ADORA1: variants seen among roughly 807,000 people sequenced by gnomAD.
ADORA1 encodes adenosine receptor A1.
A neutral mutation model predicts 19.9 loss-of-function variants in ADORA1; 6 were observed. The observed-to-expected ratio is 0.30, with a 90% confidence interval of 0.17 to 0.59. ADORA1 has a LOEUF of 0.59. ADORA1 is among the 20% of genes least tolerant of loss of function. The probability of loss-of-function intolerance (pLI) is 0.87; values close to 1 mark genes in which losing one functional copy is unlikely to be tolerated. For missense variants in ADORA1, 302 were observed against 439.2 expected (o/e 0.69, Z 2.79); for synonymous variants, 194 against 188.4 (o/e 1.03, Z -0.24).
chr1:203,153,382 G>C (rs181408632), intron 3 of ADORA1, among the ~76,000 whole-genome samples: 65 of 152,322 alleles, frequency 4.3e-4, no homozygotes, highest in African/African-American at 1.5e-3. Flanking sequence ...CCAGAATAGA[G>C]GGTGTTACTG....
At chr1:203,163,871 C>G (rs976522694) in intron 3 of ADORA1, among the ~76,000 whole-genome samples, 4 of 152,202 alleles carry the variant, frequency 2.6e-5, no homozygotes, top group African/African-American at 7.2e-5. Context: ...CGGAAGGAAA[C>G]AGTCGGCAGC....
chr1:203,141,030 C>A (rs1249040708), intron 3 of ADORA1, among the ~76,000 whole-genome samples: 1 of 152,244 alleles, frequency 6.6e-6, no homozygotes, highest in Non-Finnish European at 1.5e-5. Context: ...TCAGGGTCCT[C>A]TCATAGCTGC....
At chr1:203,155,679 G>A (rs559314580) in intron 3 of ADORA1, among the ~76,000 whole-genome samples, 59 of 152,358 alleles carry the variant, frequency 3.9e-4, no homozygotes, top group African/African-American at 1.3e-3. Flanking sequence ...GCAGGGCAAT[G>A]CTGGGACTCC....
intron 3 of ADORA1, among the ~76,000 whole-genome samples, chr1:203,130,310 TATC>T (rs151037528): frequency 0.011 from 1,636 of 152,344 alleles, 28 homozygotes; most frequent in African/African-American, 0.038. Flanking sequence ...TTTTTCCTGT[TATC>T]ATCACGCCGC....
chr1:203,145,412 A>G (rs1365048011), intron 3 of ADORA1, among the ~76,000 whole-genome samples: 1 of 152,112 alleles, frequency 6.6e-6, no homozygotes, highest in Non-Finnish European at 1.5e-5. Context: ...CTTGTTAGTA[A>G]ATGGGAATGG....
chr1:203,136,392 A>G (rs1654507927), intron 3 of ADORA1, among the ~76,000 whole-genome samples: 2 of 152,080 alleles, frequency 1.3e-5, no homozygotes, highest in Admixed American at 1.3e-4. Context: ...CTTGCTCCTT[A>G]CCTTGGAATT....
chr1:203,130,110 G>T (rs2102732994), intron 3 of ADORA1, among the ~76,000 whole-genome samples: 1 of 152,354 alleles, frequency 6.6e-6, no homozygotes, highest in African/African-American at 2.4e-5. Flanking sequence ...CTTGCCCCCA[G>T]TAGATTCCTT....
At chr1:203,161,500 C>T (rs191100812) in intron 3 of ADORA1, among the ~76,000 whole-genome samples, 8 of 152,006 alleles carry the variant, frequency 5.3e-5, no homozygotes, top group Non-Finnish European at 1.2e-4. Context: ...AGGAACGTCT[C>T]ATTCCTTGTG....
chr1:203,165,345 T>A lies in ADORA1; in HGVS notation c.426T>A (p.Pro142=). Residue 142 remains proline, a synonymous_variant, in exon 4 of 4, where the codon CCT becomes CCA. Transcript: ENST00000337894. The surrounding 1 kb of genome is among the most constrained non-coding windows in gnomAD (Gnocchi z 5.9). The part of the protein sequence containing the change: ...WILSFVVGLT[P]MFGWNNLSAV... ...TCTCCTTCGTGGTGGGACTGACCCC[T>A]ATGTTTGGCTGGAACAATCTGAGTG... 1 of 1,582,502 alleles carries A rather than the reference T, an allele frequency of 6.3e-7. No individual in the cohort carries two copies. The highest frequency in any genetic ancestry group is 8.6e-7 in the Non-Finnish European group (1 of 1,163,410).
chr1:203,141,572 ATTTTTTT>A, intron 3 of ADORA1, among the ~76,000 whole-genome samples: 1 of 73,566 alleles, frequency 1.4e-5, no homozygotes, highest in African/African-American at 6.1e-5. Context: ...TCTAACCTGG[ATTTTTTT>A]TTTTTTTTTT....
intron 3 of ADORA1, among the ~76,000 whole-genome samples, chr1:203,155,714 C>T (rs1388189747): frequency 6.6e-6 from 1 of 152,240 alleles, no homozygotes; most frequent in Non-Finnish European, 1.5e-5. Flanking sequence ...ATGTTGGTGG[C>T]TGGCTGGTGG....
At chr1:203,137,070 G>A (rs1180250128) in intron 3 of ADORA1, among the ~76,000 whole-genome samples, 1 of 152,154 alleles carries the variant, frequency 6.6e-6, no homozygotes, top group East Asian at 1.9e-4. Context: ...AAGGGGGCAG[G>A]GTAAATGGGA....
At chr1:203,153,058 A>G (rs571075799) in intron 3 of ADORA1, among the ~76,000 whole-genome samples, 2 of 152,112 alleles carry the variant, frequency 1.3e-5, no homozygotes, top group Non-Finnish European at 2.9e-5. Context: ...GAGCAAATCC[A>G]AACTTCTGTT....
At chr1:203,162,033 C>A (rs1432019855) in intron 3 of ADORA1, among the ~76,000 whole-genome samples, 1 of 152,190 alleles carries the variant, frequency 6.6e-6, no homozygotes, top group Non-Finnish European at 1.5e-5. Flanking sequence ...CCAGCACAGC[C>A]CTCGGGGATG....
At chr1:203,130,609 A>C (rs993872963) in intron 3 of ADORA1, among the ~76,000 whole-genome samples, 2 of 152,206 alleles carry the variant, frequency 1.3e-5, no homozygotes, top group African/African-American at 4.8e-5. Flanking sequence ...TGCACATATA[A>C]AGCTGGTCTC....
intron 3 of ADORA1, among the ~76,000 whole-genome samples, chr1:203,160,678 G>A (rs1473349454): frequency 6.6e-6 from 1 of 152,126 alleles, no homozygotes; most frequent in Non-Finnish European, 1.5e-5. Flanking sequence ...GCTGGGCATG[G>A]TGGCACACAC....
At chr1:203,129,257 G>C in intron 3 of ADORA1, 75 bp downstream of exon 3, 14 of 1,535,542 alleles carry the variant, frequency 9.1e-6, no homozygotes, top group Non-Finnish European at 1.2e-5. Flanking sequence ...AAGGAAAAAA[G>C]GTAGAGCATA....
Position 203,129,165 on chromosome 1 carries a change from G to A in ADORA1, c.324G>A (p.Arg108=), listed in dbSNP as rs199688752. 1 of 1,611,958 alleles carries A rather than the reference G, an allele frequency of 6.2e-7. No individual in the cohort carries two copies. Among genetic ancestry groups the A allele is most frequent in the East Asian group, 2.2e-5 (1 of 44,850 alleles). The stretch of plus-strand genomic sequence containing the variant: ...CAATTGCTGTGGACCGCTACCTCCG[G>A]GTCAAGATCCCTCTCCGGTGAGTCC... ...LLAIAVDRYL[R]VKIPLRYKMV... Residue 108 remains arginine (R), a synonymous_variant, in exon 3 of 4, where the codon CGG becomes CGA. Coordinates refer to ENST00000337894, the MANE Select transcript of ADORA1 (RefSeq NM_000674.3).
In ADORA1 at chr1:203,132,812, A is replaced by C. The variant is rs571319325; in HGVS notation, c.341+3630A>C. Among the ~76,000 whole-genome samples the C allele has an allele frequency of 4.8e-4, 73 of 152,150 alleles. 1 individual carries two copies. The South Asian group carries it at 7.0e-3, about 15-fold the overall frequency. ...CAGTGAGCCGAGATTGCGCCACTAC[A>C]CTCTAGCCTGGGCAACAGAGCAAGA... On this transcript the variant is annotated intron_variant, in intron 3 of 3. Transcript: ENST00000337894.
Sources: gnomAD v4.1 joint callset for allele counts (sites outside exome capture counted in the v4.1 genomes callset) on GRCh38, gnomAD v4.1.1 for gene constraint, Gnocchi (gnomAD v3.1) non-coding constraint, MANE v1.5 for transcripts, NCBI Gene and HGNC (gene_info 2026-07-23, HGNC 2026-07-21) for gene names.